The following NYAP2 variants were observed in gnomAD, a reference collection of about 807,000 sequenced individuals.
The protein encoded by NYAP2 is neuronal tyrosine-phosphorylated phosphoinositide-3-kinase adaptor 2.
Under a neutral mutation model 50.4 loss-of-function variants are expected in NYAP2, and 23 were observed. The ratio of observed to expected loss-of-function variants is 0.46; its 90% CI spans 0.33 to 0.65. The LOEUF is 0.65. Among genes scored for constraint, NYAP2 ranks in the 30% least tolerant of loss-of-function variants. The pLI is 0.02. For missense variants in NYAP2, 885 were observed against 861.0 expected (o/e 1.03, Z -0.35); for synonymous variants, 394 against 365.2 (o/e 1.08, Z -0.90).
At chr2:225,601,247 A>G (rs1692685461) in intron 5 of NYAP2, among the ~76,000 whole-genome samples, 1 of 151,348 alleles carries the variant, frequency 6.6e-6, no homozygotes, top group Non-Finnish European at 1.5e-5. Flanking sequence ...CAGTCTCCTG[A>G]GTAGCTGGGA....
rs558218048 is a variant in NYAP2, at chr2:225,437,609, C to T, written c.221+28508C>T. 2.0e-5 allele frequency among the ~76,000 whole-genome samples: 3 copies of T among 152,256 alleles called. No individual in the cohort carries two copies. The East Asian group carries it at 5.8e-4, about 29-fold the overall frequency. ...AACTCATTTCAGAAAAGAAGGGCAC[C>T]TCTCCACCACCATGCCAAATAAAAT... On this transcript the variant is annotated intron_variant, in intron 3 of 6. Transcript: ENST00000636099.
chr2:225,632,956 A>T (rs1402549416), intron 6 of NYAP2, among the ~76,000 whole-genome samples: 1 of 152,250 alleles, frequency 6.6e-6, no homozygotes, highest in Non-Finnish European at 1.5e-5. Flanking sequence ...TCTACTGCTT[A>T]CTATACGTTT....
chr2:225,574,329 G>T (rs137944591), intron 4 of NYAP2, among the ~76,000 whole-genome samples: 46 of 152,254 alleles, frequency 3.0e-4, no homozygotes, highest in Admixed American at 7.2e-4. Context: ...AGAAGTCACT[G>T]GTTCGCAGCA....
chr2:225,467,445 T>A (rs1689938373), intron 3 of NYAP2, among the ~76,000 whole-genome samples: 1 of 152,174 alleles, frequency 6.6e-6, no homozygotes, highest in African/African-American at 2.4e-5. Flanking sequence ...GTGGGGGTTG[T>A]TGTGGTTGAT....
At chr2:225,489,437 A>T (rs1234824718) in intron 3 of NYAP2, among the ~76,000 whole-genome samples, 1 of 151,842 alleles carries the variant, frequency 6.6e-6, no homozygotes, top group African/African-American at 2.4e-5. Flanking sequence ...ACCTCAGATG[A>T]TCCACCCGCC....
intron 3 of NYAP2, among the ~76,000 whole-genome samples, chr2:225,417,209 A>T (rs1186738463): frequency 6.6e-6 from 1 of 152,192 alleles, no homozygotes; most frequent in Non-Finnish European, 1.5e-5. Flanking sequence ...CTCCTAGAGA[A>T]TGTGTGTAAT....
intron 3 of NYAP2, among the ~76,000 whole-genome samples, chr2:225,476,840 A>G (rs1270821517): frequency 6.6e-6 from 1 of 152,214 alleles, no homozygotes; most frequent in Non-Finnish European, 1.5e-5. Context: ...ATAATTATAA[A>G]GTGATGAGTT....
At chr2:225,693,132 C>A in the NYAP2 span, among the ~76,000 whole-genome samples, 1 of 152,002 alleles carries the variant, frequency 6.6e-6, no homozygotes, top group African/African-American at 2.4e-5. Flanking sequence ...AGTTTTTAAT[C>A]CAATGTTCTT....
At chr2:225,646,503 A>C (rs1693638006) in intron 6 of NYAP2, among the ~76,000 whole-genome samples, 1 of 152,172 alleles carries the variant, frequency 6.6e-6, no homozygotes, top group Non-Finnish European at 1.5e-5. Context: ...GTGAGCCAAG[A>C]TTGCGCCATT....
intron 3 of NYAP2, among the ~76,000 whole-genome samples, chr2:225,477,211 AGGTCTGAGAGTCTCTATTTCTTTTTT>A (rs1690127939): frequency 4.9e-5 from 7 of 143,428 alleles, no homozygotes; most frequent in Middle Eastern, 7.2e-3. Flanking sequence ...CTGATTTAGC[AGGTCTGAGAGTCTCTATTTCTTTTTT>A]TTTTTTTTTT....
the NYAP2 span, among the ~76,000 whole-genome samples, chr2:225,697,622 T>C: frequency 6.6e-6 from 1 of 151,960 alleles, no homozygotes; most frequent in Non-Finnish European, 1.5e-5. Flanking sequence ...CACTGAAAAG[T>C]AATTCCAATA....
chr2:225,601,676 A>G (rs77186016), intron 5 of NYAP2, among the ~76,000 whole-genome samples: 2,997 of 152,262 alleles, frequency 0.02, 91 homozygotes, highest in African/African-American at 0.068. Context: ...GGCCATTTAT[A>G]TGCCTCCTTC....
chr2:225,540,175 T>C (rs915801910), intron 4 of NYAP2, among the ~76,000 whole-genome samples: 2 of 152,206 alleles, frequency 1.3e-5, no homozygotes, highest in Non-Finnish European at 1.5e-5. Context: ...TCCTGTCTTC[T>C]TCTGAGCCCT....
downstream of NYAP2, among the ~76,000 whole-genome samples, chr2:225,655,911 C>CACACACACACACAT (rs1693815437): frequency 1.4e-5 from 2 of 146,624 alleles, no homozygotes; most frequent in African/African-American, 5.0e-5. Context: ...CACACACACA[C>CACACACACACACAT]ACACACACAC....
intron 3 of NYAP2, among the ~76,000 whole-genome samples, chr2:225,474,020 C>G (rs1179222125): frequency 4.6e-5 from 7 of 152,300 alleles, no homozygotes; most frequent in Admixed American, 4.6e-4. Flanking sequence ...TTTCAGCTTT[C>G]TACATATGGC....
chr2:225,668,956 C>CTTTTTTTTTT, the NYAP2 span, among the ~76,000 whole-genome samples: 5 of 69,524 alleles, frequency 7.2e-5, no homozygotes, highest in Admixed American at 2.0e-4. Flanking sequence ...GTGTCCCCTG[C>CTTTTTTTTTT]TTTTTTTTTT....
chr2:225,697,539 TG>T, the NYAP2 span, among the ~76,000 whole-genome samples: 1 of 152,034 alleles, frequency 6.6e-6, no homozygotes, highest in Non-Finnish European at 1.5e-5. Flanking sequence ...TAAATAAACC[TG>T]TTTAAAATTA....
At chr2:225,505,089 A>G (rs537040181) in intron 3 of NYAP2, among the ~76,000 whole-genome samples, 1 of 151,940 alleles carries the variant, frequency 6.6e-6, no homozygotes, top group Admixed American at 6.6e-5. Context: ...CTTTCTCTTC[A>G]GGACAGTTTT....
intron 3 of NYAP2, among the ~76,000 whole-genome samples, chr2:225,425,266 T>A (rs778325899): frequency 1.6e-4 from 25 of 152,178 alleles, no homozygotes; most frequent in Non-Finnish European, 3.2e-4. Flanking sequence ...TTTAAACTAG[T>A]CAGCTTGGCA....
Sources: gnomAD v4.1 joint callset for allele counts (sites outside exome capture counted in the v4.1 genomes callset) on GRCh38, gnomAD v4.1.1 for gene constraint, MANE v1.5 for transcripts, NCBI Gene and HGNC (gene_info 2026-07-23, HGNC 2026-07-21) for gene names.